The following RPAP1 variants were observed in gnomAD, a reference collection of about 807,000 sequenced individuals.
RPAP1 encodes RNA polymerase II-associated protein 1.
A neutral mutation model predicts 142.4 loss-of-function variants in RPAP1; 109 were observed. The observed-to-expected ratio is 0.77, with a 90% CI of 0.66 to 0.90. The LOEUF (loss-of-function observed/expected upper bound fraction) is 0.90. Ranked by LOEUF, RPAP1 falls within the 40% of genes least tolerant of loss-of-function variation. The pLI, the probability that RPAP1 is intolerant of heterozygous loss-of-function variation, is 0.00. For missense variants in RPAP1, 1,546 were observed against 1,751.7 expected (o/e 0.88, Z 2.10); for synonymous variants, 704 against 738.9 (o/e 0.95, Z 0.77).
At chr15:41,528,439 C>G (rs1029278543) in intron 9 of RPAP1, 103 bp from the exon 10 acceptor site, 25 of 800,804 alleles carry the variant, frequency 3.1e-5, no homozygotes, top group Non-Finnish European at 4.3e-5. Flanking sequence ...TAAGTGAAAT[C>G]TGCCCTGCTT....
At chr15:41,541,570 G>A (rs1041836009) in intron 1 of RPAP1, among the ~76,000 whole-genome samples, 19 of 152,100 alleles carry the variant, frequency 1.2e-4, no homozygotes, top group African/African-American at 4.1e-4. Flanking sequence ...AATGAAGGCC[G>A]GGTGTGCTGG....
Position 41,527,865 on chromosome 15 carries a change from CT to C in RPAP1, c.1422del (p.Asp475MetfsTer16), listed in dbSNP as rs767382889. 6 of 1,614,104 alleles carry C rather than the reference CT, an allele frequency of 3.7e-6. No homozygotes were observed. Among genetic ancestry groups the C allele is most frequent in the Non-Finnish European group, 5.1e-6 (6 of 1,180,010 alleles). On this transcript the variant is annotated frameshift_variant, in exon 11 of 25. Coordinates refer to ENST00000304330, the MANE Select transcript of RPAP1 (RefSeq NM_015540.4). LOFTEE classifies it high-confidence loss of function. ...CATTCCTATCCCTGTGGTACCTCAT[CT>C]CCAGGAGCCACCAGCAGAGCCCGAA... ...RALRALLVAP[G>X]DEELLDSTFS...
At chr15:41,531,731 C>A (rs544166746) in intron 6 of RPAP1, among the ~76,000 whole-genome samples, 1 of 147,394 alleles carries the variant, frequency 6.8e-6, no homozygotes, top group Non-Finnish European at 1.5e-5. Flanking sequence ...ACCTCCATCT[C>A]CCAGGTTCAA....
intron 4 of RPAP1, 103 bp downstream of exon 4, chr15:41,536,026 A>T: frequency 1.2e-6 from 1 of 818,778 alleles, no homozygotes; most frequent in Non-Finnish European, 2.0e-6. Context: ...CTGCTTTGTA[A>T]ATTAAATTGC....
chr15:41,531,478 T>G (rs2051846853), intron 6 of RPAP1, among the ~76,000 whole-genome samples: 1 of 151,784 alleles, frequency 6.6e-6, no homozygotes, highest in African/African-American at 2.4e-5. Flanking sequence ...TCCCTTTGGT[T>G]TCAGGTCACA....
At chr15:41,538,350 G>C (rs2051935714) in intron 1 of RPAP1, among the ~76,000 whole-genome samples, 1 of 152,140 alleles carries the variant, frequency 6.6e-6, no homozygotes, top group Non-Finnish European at 1.5e-5. Context: ...TCCTGGGCTT[G>C]GGTGATCCTC....
At position 41,518,017 on chromosome 15, in the gene RPAP1, G is replaced by T. The variant is rs756023688; in HGVS notation, c.3961C>A (p.Pro1321Thr). The T allele has an allele frequency of 1.9e-6, 3 of 1,614,088 alleles. No individual in the cohort carries two copies. Among genetic ancestry groups the T allele is most frequent in the Non-Finnish European group, 1.7e-6 (2 of 1,179,974 alleles). The stretch of plus-strand genomic sequence containing the variant: ...GAGATGTAACTTACTGAGCTCTGTG[G>T]GTCCTGAGAGAAGATGAAGCTATTG... Reference protein sequence around the residue: ...HVNSFIFSQDPQSSDEVKAAR... With the variant: ...HVNSFIFSQDTQSSDEVKAAR... The change falls in exon 23 of 25, where the codon CCA becomes ACA. Residue 1321 changes from proline to threonine, a missense_variant. Pro to Thr is a conservative substitution (Grantham distance 38). This residue lies in a region of RPAP1 where 210 missense variants were observed against 248.0 expected (regional missense o/e 0.85). Transcript: ENST00000304330.
At position 41,527,262 on chromosome 15, in the gene RPAP1, C is replaced by G. The variant is rs536852631; in HGVS notation, c.1651G>C (p.Val551Leu). ...GGTCCTGGGTATGTCACCTCCAGCACGTAGCGCAGCCGAGGCAGCAGGCTG... is the reference window on the plus strand; with the variant it reads ...GGTCCTGGGTATGTCACCTCCAGCAGGTAGCGCAGCCGAGGCAGCAGGCTG... ...ATSLLPRLRY[V>L]LEVTYPGPAV... Residue 551 changes from valine (V) to leucine (L), a missense_variant, in exon 13 of 25, where the codon GTG (valine) becomes CTG (leucine). This residue lies in a region of RPAP1 where 1,333 missense variants were observed against 1,486.6 expected (regional missense o/e 0.90). Transcript: ENST00000304330. 4 of 1,614,220 alleles carry G rather than the reference C, an allele frequency of 2.5e-6. No individual in the cohort carries two copies. In the Admixed American group the frequency reaches 5.0e-5, roughly 20 times the overall value.
intron 6 of RPAP1, among the ~76,000 whole-genome samples, chr15:41,532,691 C>T (rs865893570): frequency 1.3e-5 from 2 of 151,792 alleles, no homozygotes; most frequent in Non-Finnish European, 2.9e-5. Context: ...AGTAGGGCCT[C>T]GGCTGGGCAC....
chr15:41,536,188 G>GATT lies in RPAP1; in HGVS notation c.358_360dup (p.Asn120dup). On this transcript the variant is annotated inframe_insertion, in exon 4 of 25. Transcript: ENST00000304330. Reference sequence around the variant, plus strand: ...AAAGCAACACCACTGGGCACAGGCAGATTCACGGCCACTGAACTTGTATCT... The same window carrying GATT: ...AAAGCAACACCACTGGGCACAGGCAGATTATTCACGGCCACTGAACTTGTATCT... 6.2e-7 allele frequency: 1 copy of GATT among 1,614,172 alleles called. No homozygotes were observed. The highest frequency in any genetic ancestry group is 2.2e-5 in the East Asian group (1 of 44,876).
At chr15:41,524,679 T>A (rs12911435) in intron 15 of RPAP1, among the ~76,000 whole-genome samples, 3 of 152,060 alleles carry the variant, frequency 2.0e-5, no homozygotes, top group Non-Finnish European at 4.4e-5. Flanking sequence ...TTTCACCATA[T>A]TGGCCAGGAT....
At chr15:41,518,314 C>G in intron 22 of RPAP1, 132 bp from the exon 23 acceptor site, 1 of 730,466 alleles carries the variant, frequency 1.4e-6, no homozygotes, top group Non-Finnish European at 2.1e-6. Flanking sequence ...ATCTGTCCTT[C>G]TAGCACAAGG....
chr15:41,521,619 A>T (rs2051726808), intron 21 of RPAP1, 119 bp downstream of exon 21: 3 of 1,117,152 alleles, frequency 2.7e-6, no homozygotes, highest in South Asian at 3.2e-5. Context: ...GGAAGAGTTA[A>T]GTGTCGTCGG....
At chr15:41,521,962 G>A (rs1566883468) in intron 20 of RPAP1, 82 bp from the exon 21 acceptor site, 3 of 1,569,990 alleles carry the variant, frequency 1.9e-6, no homozygotes, top group East Asian at 2.3e-5. Flanking sequence ...ATAAAAGTGA[G>A]GCTGAAGGGC....
At chr15:41,532,743 C>T (rs1032374070) in intron 6 of RPAP1, among the ~76,000 whole-genome samples, 3 of 151,864 alleles carry the variant, frequency 2.0e-5, no homozygotes, top group East Asian at 1.9e-4. Flanking sequence ...TTCAGCAGGC[C>T]GAGGCAGATG....
chr15:41,527,692 C>A, intron 11 of RPAP1, 87 bp from the exon 12 acceptor site: 2 of 1,484,638 alleles, frequency 1.3e-6, no homozygotes, highest in South Asian at 1.4e-5. Flanking sequence ...CAATAAAAAC[C>A]ATAAAGGCAA....
chr15:41,518,664 G>A (rs1159167709), intron 22 of RPAP1, among the ~76,000 whole-genome samples: 1 of 142,160 alleles, frequency 7.0e-6, no homozygotes, highest in Non-Finnish European at 1.5e-5. Flanking sequence ...GGGCAACAGA[G>A]CAAGACTCCG....
At chr15:41,525,657 A>T (rs924501016) in intron 14 of RPAP1, among the ~76,000 whole-genome samples, 5 of 134,790 alleles carry the variant, frequency 3.7e-5, no homozygotes, top group Admixed American at 2.3e-4. Context: ...TTTTATTTTT[A>T]TTATTATTAT....
chr15:41,536,293 A>G (rs1308939292), intron 3 of RPAP1, 75 bp from the exon 4 acceptor site: 25 of 1,447,246 alleles, frequency 1.7e-5, no homozygotes, highest in Non-Finnish European at 2.3e-5. Flanking sequence ...CTATTAGCCC[A>G]GTTCTGAACG....
Sources: allele counts gnomAD v4.1 joint callset (sites outside exome capture counted in the v4.1 genomes callset), GRCh38; gene constraint gnomAD v4.1.1; regional missense constraint gnomAD v4.1.1; transcripts MANE v1.5; gene names NCBI Gene and HGNC (gene_info 2026-07-23, HGNC 2026-07-21).